Variants in SLC27A1 observed in about 807,000 individuals in gnomAD.
SLC27A1 encodes the protein long-chain fatty acid transport protein 1.
Under a neutral mutation model 62.2 loss-of-function variants are expected in SLC27A1, and 61 were observed. That is an observed-to-expected ratio of 0.98 (90% CI 0.80 to 1.21). The LOEUF (loss-of-function observed/expected upper bound fraction) is 1.21, where lower values mean the gene tolerates loss of function less well. Ranked by LOEUF, SLC27A1 falls within the 50% of genes most tolerant of loss-of-function variation. SLC27A1 has a pLI of 0.00. For missense variants in SLC27A1, 903 were observed against 932.1 expected, an observed-to-expected ratio of 0.97 and a Z score of 0.41; for synonymous variants, 435 against 408.6, an observed-to-expected ratio of 1.06 and a Z score of -0.78.
chr19:17,482,730 AG>A (rs1253575143), intron 1 of SLC27A1, among the ~76,000 whole-genome samples: 2 of 150,254 alleles, frequency 1.3e-5, no homozygotes, highest in Non-Finnish European at 3.0e-5. Context: ...GGTCTTGGCT[AG>A]TGTGGGCTTT....
rs539875973 is a variant in SLC27A1 at position 17,486,104 on chromosome 19, A to G, written c.168-459A>G. Among the ~76,000 whole-genome samples, 3 of 152,298 alleles carry G rather than the reference A, an allele frequency of 2.0e-5. No individual in the cohort carries two copies. Among genetic ancestry groups the G allele is most frequent in the East Asian group, 1.9e-4 (1 of 5,160 alleles). ...CCCCAGTTGGGGGCACACGTGCTAGATGCTTCAGCCATCTGTCCCTGGTGC... is the reference window on the plus strand; with the variant it reads ...CCCCAGTTGGGGGCACACGTGCTAGGTGCTTCAGCCATCTGTCCCTGGTGC... On this transcript the variant is annotated intron_variant, in intron 1 of 11. Transcript: ENST00000252595. The surrounding 1 kb of genome is among the most constrained non-coding windows in gnomAD (Gnocchi z 6.6).
chr19:17,478,000 C>A (rs2075141370), intron 1 of SLC27A1, among the ~76,000 whole-genome samples: 1 of 152,112 alleles, frequency 6.6e-6, no homozygotes, highest in South Asian at 2.1e-4. Flanking sequence ...AGGAGTGAGC[C>A]CCTACACCTG....
rs114419348 is a variant in SLC27A1, at chr19:17,502,283, G to T, written c.1783+864G>T. On this transcript the variant is annotated intron_variant, in intron 11 of 11. Transcript: ENST00000252595. Reference sequence around the variant, plus strand: ...TCCCTTCTGCTGTTTTATTTTAGTAGTTATTTATTTCCATTCCTCACTTCC... The same window carrying T: ...TCCCTTCTGCTGTTTTATTTTAGTATTTATTTATTTCCATTCCTCACTTCC... 3.5e-3 allele frequency among the ~76,000 whole-genome samples: 485 copies of T among 137,426 alleles called. 3 individuals are homozygous for T. The highest frequency in any genetic ancestry group is 0.02 in the Middle Eastern group (5 of 248). The allele number at this position is 137,426 out of a possible 152,430, so 90.2% of individuals were successfully genotyped here. A position where few individuals can be genotyped will look rare whatever the true frequency, so the allele number is the denominator to read the frequency against.
rs1214715278 is a variant in SLC27A1 at position 17,501,319 on chromosome 19, C to T, written c.1683C>T (p.Ser561=). 2 of 1,613,824 alleles carry T rather than the reference C, an allele frequency of 1.2e-6. No individual in the cohort carries two copies. Among genetic ancestry groups the T allele is most frequent in the Non-Finnish European group, 1.7e-6 (2 of 1,180,010 alleles). The part of the protein sequence containing the change: ...AGMAAVADPH[S]LLDPNAIYQE... ...TGGCGGCCGTCGCAGACCCCCACAG[C>T]CTGCTGGACCCCAACGCGATATACC... The change falls in exon 11 of 12, where the codon AGC becomes AGT. Residue 561 remains serine (S), a synonymous_variant. Coordinates refer to ENST00000252595, the MANE Select transcript of SLC27A1 (RefSeq NM_198580.3).
chr19:17,481,466 G>A (rs960502917), intron 1 of SLC27A1, among the ~76,000 whole-genome samples: 1 of 151,820 alleles, frequency 6.6e-6, no homozygotes, highest in East Asian at 1.9e-4. Flanking sequence ...ACAGGCTCAT[G>A]CCACCACACC....
rs1411070086 is a variant in SLC27A1 at position 17,487,268 on chromosome 19, C to G, written c.657C>G (p.Leu219=). ...AGGGCATCTTGCCGGACACCCACCT[C>G]CTGGACCCGCTGCTGAAGGAGGCCT... ...GPEGILPDTH[L]LDPLLKEAST... Residue 219 remains leucine, a synonymous_variant, in exon 3 of 12, where the codon CTC becomes CTG. Coordinates refer to ENST00000252595, the MANE Select transcript of SLC27A1 (RefSeq NM_198580.3). The G allele has an allele frequency of 6.2e-7, 1 of 1,613,942 alleles. No individual in the cohort carries two copies. The highest frequency in any genetic ancestry group is 8.5e-7 in the Non-Finnish European group (1 of 1,179,950).
intron 7 of SLC27A1, chr19:17,498,690 G>A (rs8108786): frequency 1.7e-5 from 4 of 237,942 alleles, no homozygotes; most frequent in African/African-American, 2.3e-5. Context: ...GGCGGAGACC[G>A]GTAGAGGCCC....
chr19:17,477,263 T>TTTC (rs1236113967), intron 1 of SLC27A1, among the ~76,000 whole-genome samples: 1 of 124,284 alleles, frequency 8.0e-6, no homozygotes, highest in African/African-American at 2.7e-5. Context: ...TTTTTTTTTT[T>TTTC]TGAGACTGAA....
intron 6 of SLC27A1, chr19:17,489,859 G>A (rs2144586736): frequency 6.5e-6 from 1 of 152,676 alleles, no homozygotes; most frequent in African/African-American, 2.4e-5. Flanking sequence ...GGAGGTACAG[G>A]AAACAGGTAT....
rs372948548 is a variant in SLC27A1 at position 17,495,560 on chromosome 19, G to C, written c.997-1695G>C. 257 of 152,466 alleles carry C rather than the reference G, an allele frequency of 1.7e-3. 3 individuals are homozygous for C. Among genetic ancestry groups the C allele is most frequent in the African/African-American group, 5.9e-3 (244 of 41,440 alleles). The allele number at this position is 152,466 out of a possible 1,614,324, so 9.4% of individuals were successfully genotyped here. A position where few individuals can be genotyped will look rare whatever the true frequency, so the allele number is the denominator to read the frequency against. ...GCCTCCCAAAGTGCTGGGATTACAG[G>C]CTTGAGCCACCCCGCCTGGCCGTGC... On this transcript the variant is annotated intron_variant, in intron 6 of 11. Transcript: ENST00000252595.
chr19:17,500,679 CCT>C lies in SLC27A1; in HGVS notation c.1472-31_1472-30del, dbSNP rs778434740. 2.3e-5 allele frequency: 37 copies of C among 1,613,956 alleles called. No individual in the cohort carries two copies. The East Asian group carries it at 8.0e-4, about 35-fold the overall frequency. On this transcript the variant is annotated intron_variant, in intron 9 of 11. Coordinates refer to ENST00000252595, the MANE Select transcript of SLC27A1 (RefSeq NM_198580.3). ...GGTGACTGGCTGTGCGGATGGGGAT[CCT>C]CCACCCATCTGCCCCTCTCCCCTCT... is the stretch of plus-strand genomic sequence containing the variant.
At chr19:17,497,734 G>A in intron 7 of SLC27A1, 1 of 478,974 alleles carries the variant, frequency 2.1e-6, no homozygotes, top group Non-Finnish European at 3.7e-6. Flanking sequence ...CCTGGCAAGT[G>A]CCTCAGCCTT....
chr19:17,498,584 C>T (rs1359287588), intron 7 of SLC27A1: 3 of 187,666 alleles, frequency 1.6e-5, no homozygotes, highest in Non-Finnish European at 3.3e-5. Flanking sequence ...GGGTTTTTCT[C>T]CCTGTGTGCG....
At chr19:17,478,393 G>A (rs772535598) in intron 1 of SLC27A1, among the ~76,000 whole-genome samples, 7 of 150,860 alleles carry the variant, frequency 4.6e-5, no homozygotes, top group Non-Finnish European at 8.8e-5. Context: ...CTTGAACCTG[G>A]GAGGCGGAGT....
chr19:17,479,650 C>T (rs1296196787), intron 1 of SLC27A1, among the ~76,000 whole-genome samples: 1 of 152,174 alleles, frequency 6.6e-6, no homozygotes, highest in Middle Eastern at 3.4e-3. Context: ...CTCCCTCTCT[C>T]TCTCAATTTT....
chr19:17,493,586 A>C (rs2075318279), intron 6 of SLC27A1, among the ~76,000 whole-genome samples: 1 of 151,974 alleles, frequency 6.6e-6, no homozygotes, highest in Non-Finnish European at 1.5e-5. Flanking sequence ...GTTGCAGTCT[A>C]GCCATTCTCA....
At chr19:17,503,957 AGG>A (rs1039713415) in intron 11 of SLC27A1, among the ~76,000 whole-genome samples, 5 of 131,226 alleles carry the variant, frequency 3.8e-5, no homozygotes, top group Non-Finnish European at 8.3e-5. Context: ...AAAAAAAAAA[AGG>A]GTTTTTGCAG....
At chr19:17,469,488 C>G (rs1308548687), upstream of SLC27A1, among the ~76,000 whole-genome samples, 1 of 152,090 alleles carries the variant, frequency 6.6e-6, no homozygotes, top group Non-Finnish European at 1.5e-5. Context: ...GCGAGCCACG[C>G]CCCAAGGCTG....
In SLC27A1 at chr19:17,504,551, A is replaced by G. The variant is rs2075455064; in HGVS notation, c.1880A>G (p.His627Arg). The G allele has an allele frequency of 6.2e-7, 1 of 1,614,060 alleles. No homozygotes were observed. Among genetic ancestry groups the G allele is most frequent in the African/African-American group, 1.3e-5 (1 of 74,942 alleles). The change falls in exon 12 of 12, where the codon CAC (histidine) becomes CGC (arginine). Residue 627 changes from histidine (H) to arginine (R), a missense_variant. Physicochemically the swap from His to Arg is conservative, Grantham distance 29 (BLOSUM62 0). Transcript: ENST00000252595. ...TTCTTCCTGGACCTGAAGCAGGGCC[A>G]CTACCTGCCCTTAAATGAGGCAGTC... ...RLFFLDLKQG[H>R]YLPLNEAVYT...
Sources: gnomAD v4.1 joint callset for allele counts (sites outside exome capture counted in the v4.1 genomes callset) on GRCh38, gnomAD v4.1.1 for gene constraint, Gnocchi (gnomAD v3.1) non-coding constraint, MANE v1.5 for transcripts, NCBI Gene and HGNC (gene_info 2026-07-23, HGNC 2026-07-21) for gene names.